GTF2I: variants seen among roughly 807,000 people sequenced by gnomAD.
GTF2I encodes the protein general transcription factor IIi, also known as general transcription factor II-I.
A neutral mutation model predicts 67.6 loss-of-function variants in GTF2I; 12 were observed. The ratio of observed to expected loss-of-function variants is 0.18; its 90% confidence interval spans 0.11 to 0.29. The LOEUF (loss-of-function observed/expected upper bound fraction) is 0.29. Ranked by LOEUF, GTF2I falls within the 10% of genes least tolerant of loss-of-function variation. The probability of loss-of-function intolerance (pLI) is 1.00; values close to 1 mark genes in which losing one functional copy is unlikely to be tolerated. For synonymous variants in GTF2I, 149 were observed against 197.0 expected, an observed-to-expected ratio of 0.76 and a Z score of 2.04; for missense variants, 271 against 580.1, an observed-to-expected ratio of 0.47 and a Z score of 5.47.
At chr7:74,731,800 C>T (rs2131520741) in intron 14 of GTF2I, among the ~76,000 whole-genome samples, 1 of 150,506 alleles carries the variant, frequency 6.6e-6, no homozygotes, top group African/African-American at 2.4e-5. Context: ...CCACCTCGGC[C>T]TCCCAGAGTG....
Position 74,716,886 on chromosome 7 carries a change from CT to C in GTF2I, c.824-3del. Reference sequence around the variant, plus strand: ...TGGTTTATTATATGTTGTTTATTTTCTTTTTAGGAAGCCACCATTCTTCAGA... The same window carrying C: ...TGGTTTATTATATGTTGTTTATTTTCTTTTAGGAAGCCACCATTCTTCAGA... On this transcript the variant is annotated splice_region_variant and splice_polypyrimidine_tract_variant and intron_variant, in intron 10 of 34. Coordinates refer to ENST00000573035, the MANE Select transcript of GTF2I (RefSeq NM_032999.4). The C allele has an allele frequency of 6.3e-7, 1 of 1,588,678 alleles. No individual in the cohort carries two copies. The highest frequency in any genetic ancestry group is 8.6e-7 in the Non-Finnish European group (1 of 1,159,990).
chr7:74,670,294 C>T (rs958294177), intron 1 of GTF2I, among the ~76,000 whole-genome samples: 3 of 152,148 alleles, frequency 2.0e-5, no homozygotes, highest in Non-Finnish European at 2.9e-5. Context: ...CCAGGGTCAC[C>T]TGTAAGATTT....
rs587605039 is a variant in GTF2I at position 74,676,334 on chromosome 7, A to G, written c.-5-12790A>G. 2.6e-5 allele frequency among the ~76,000 whole-genome samples: 4 copies of G among 152,278 alleles called. No individual in the cohort carries two copies. The East Asian group carries it at 5.8e-4, about 22-fold the overall frequency. ...AACAAAAATTAAAAACACAGCTCCT[A>G]TAGCCAGACGTGGTGGCAGATGCCT... On this transcript the variant is annotated intron_variant, in intron 1 of 34. Coordinates refer to ENST00000573035, the MANE Select transcript of GTF2I (RefSeq NM_032999.4).
chr7:74,663,638 G>C (rs898257615), intron 1 of GTF2I, among the ~76,000 whole-genome samples: 7 of 152,094 alleles, frequency 4.6e-5, no homozygotes, highest in African/African-American at 1.7e-4. Flanking sequence ...AAAGAAAGTA[G>C]AAAATACACC....
intron 1 of GTF2I, among the ~76,000 whole-genome samples, chr7:74,686,818 G>A (rs1315480359): frequency 2.0e-5 from 3 of 151,928 alleles, no homozygotes; most frequent in Non-Finnish European, 4.4e-5. Context: ...TCTAGTCAGG[G>A]ACCCTTGTGT....
chr7:74,662,837 A>G (rs1376996641), intron 1 of GTF2I, among the ~76,000 whole-genome samples: 4 of 151,930 alleles, frequency 2.6e-5, no homozygotes, highest in Non-Finnish European at 4.4e-5. Flanking sequence ...ATTATAATGG[A>G]TTTCTTTCCG....
chr7:74,683,620 A>T (rs1277545477), intron 1 of GTF2I, among the ~76,000 whole-genome samples: 1 of 152,208 alleles, frequency 6.6e-6, no homozygotes, highest in Non-Finnish European at 1.5e-5. Flanking sequence ...TGGGAGGCTG[A>T]AGCGGGCAGA....
intron 3 of GTF2I, among the ~76,000 whole-genome samples, chr7:74,692,839 C>T (rs587727031): frequency 2.8e-3 from 423 of 151,362 alleles, no homozygotes; most frequent in African/African-American, 9.5e-3. Flanking sequence ...CTCGGCTCAC[C>T]GCAACCTCTG....
chr7:74,707,965 G>A (rs1450846722), intron 8 of GTF2I, among the ~76,000 whole-genome samples: 2 of 151,906 alleles, frequency 1.3e-5, no homozygotes, highest in Non-Finnish European at 2.9e-5. Flanking sequence ...GCAGCCAGGA[G>A]ACAGAAACCA....
chr7:74,720,120 T>C (rs967081657), intron 12 of GTF2I, among the ~76,000 whole-genome samples: 4 of 152,218 alleles, frequency 2.6e-5, no homozygotes, highest in Admixed American at 2.6e-4. Context: ...AGAGAAATAA[T>C]TGCAGTACAT....
chr7:74,730,769 C>T (rs1162506228), intron 14 of GTF2I, among the ~76,000 whole-genome samples: 25 of 103,000 alleles, frequency 2.4e-4, no homozygotes, highest in African/African-American at 9.2e-4. Context: ...TGCAGTAGTA[C>T]AATCTCGGCT....
At chr7:74,694,034 G>A (rs763875759) in intron 3 of GTF2I, among the ~76,000 whole-genome samples, 94 of 152,300 alleles carry the variant, frequency 6.2e-4, no homozygotes, top group Non-Finnish European at 1.2e-3. Context: ...TGGAGAATGC[G>A]TAGGAAAAGT....
chr7:74,658,507 G>A (rs1304156459), intron 1 of GTF2I, among the ~76,000 whole-genome samples: 40 of 149,224 alleles, frequency 2.7e-4, no homozygotes, highest in African/African-American at 9.0e-4. Flanking sequence ...CGGCTAGGCG[G>A]TGCGGGGGCG....
chr7:74,714,836 T>C lies in GTF2I; in HGVS notation c.764-21T>C. The C allele has an allele frequency of 3.8e-6, 6 of 1,567,968 alleles. 1 individual carries two copies. The South Asian group carries it at 5.8e-5, about 15-fold the overall frequency. On this transcript the variant is annotated intron_variant, in intron 9 of 34. Transcript: ENST00000573035. ...TTTTTGGGGGGGATTACTTTTGAAG[T>C]ATTATCTTTGTATCCCAAAGCAGGC...
rs1675994307 is a variant in GTF2I, at chr7:74,662,034, G to T, written c.-6+3966G>T. Among the ~76,000 whole-genome samples, 3 of 152,074 alleles carry T rather than the reference G, an allele frequency of 2.0e-5. No homozygotes were observed. The South Asian group carries it at 6.2e-4, about 32-fold the overall frequency. On this transcript the variant is annotated intron_variant, in intron 1 of 34. Transcript: ENST00000573035. ...AGTTTTGGCCCTTGGAGGTAGGGGG[G>T]TTGGGGAGCATTGTGTGCTGAGTCT...
chr7:74,691,584 A>G (rs148590408), intron 3 of GTF2I, among the ~76,000 whole-genome samples: 3 of 152,350 alleles, frequency 2.0e-5, no homozygotes, highest in Non-Finnish European at 2.9e-5. Context: ...AGACATTTCA[A>G]AATGCTCAAA....
Position 74,705,166 on chromosome 7 carries a change from G to A in GTF2I, c.589G>A (p.Gly197Ser). The change falls in exon 7 of 35, where the codon GGT becomes AGT. Residue 197 changes from glycine (G) to serine (S), a missense_variant and splice_region_variant. Coordinates refer to ENST00000573035, the MANE Select transcript of GTF2I (RefSeq NM_032999.4). ...PFLEPKKHVG[G>S]RVMVTDADRS... is the part of the protein sequence containing the mutation. ...CAATTTTTTTTTTTTGTATGTAGGT[G>A]GTCGTGTGATGGTAACAGATGCTGA... 1 of 1,595,238 alleles carries A rather than the reference G, an allele frequency of 6.3e-7. No homozygotes were observed. The highest frequency in any genetic ancestry group is 1.7e-4 in the Middle Eastern group (1 of 6,026).
chr7:74,732,423 ATTC>A (rs1757450560), intron 14 of GTF2I, 53 bp from the exon 15 acceptor site: 1 of 1,397,044 alleles, frequency 7.2e-7, no homozygotes, highest in Admixed American at 2.8e-5. Flanking sequence ...ATGATTTATT[ATTC>A]TTTTCTACAA....
intron 14 of GTF2I, among the ~76,000 whole-genome samples, chr7:74,730,606 G>C (rs1794370242): frequency 6.8e-6 from 1 of 147,604 alleles, no homozygotes; most frequent in Admixed American, 6.8e-5. Context: ...CAAAGCTCTG[G>C]ATCTTGGGGG....
Sources: allele counts gnomAD v4.1 joint callset (sites outside exome capture counted in the v4.1 genomes callset), GRCh38; gene constraint gnomAD v4.1.1; transcripts MANE v1.5; gene names NCBI Gene and HGNC (gene_info 2026-07-23, HGNC 2026-07-21).